Variants in RBFOX1 observed in about 807,000 individuals in gnomAD.
The protein encoded by RBFOX1 is RNA binding fox-1 homolog 1.
RBFOX1 carries 8 observed loss-of-function variants against 57.7 expected under a neutral mutation model. The observed-to-expected ratio is 0.14, with a 90% CI of 0.08 to 0.25. The LOEUF (loss-of-function observed/expected upper bound fraction) is 0.25, where lower values mean the gene tolerates loss of function less well. Among genes scored for constraint, RBFOX1 ranks in the 10% least tolerant of loss-of-function variants. The pLI is 1.00. For missense variants in RBFOX1, 611 were observed against 548.5 expected, an observed-to-expected ratio of 1.11 and a Z score of -1.14; for synonymous variants, 326 against 222.4, an observed-to-expected ratio of 1.47 and a Z score of -4.15.
chr16:5,594,730 C>G (rs1277098593), intron 2 of RBFOX1, among the ~76,000 whole-genome samples: 1 of 152,074 alleles, frequency 6.6e-6, no homozygotes, highest in Non-Finnish European at 1.5e-5. Context: ...CAATGGGAGG[C>G]AAGTTGGCCC....
chr16:7,502,595 TTTTGTTTTTTTAA>T (rs939276323), intron 4 of RBFOX1, among the ~76,000 whole-genome samples: 2 of 152,190 alleles, frequency 1.3e-5, no homozygotes, highest in African/African-American at 4.8e-5. Context: ...TGTTTGTTTG[TTTTGTTTTTTTAA>T]TTATACTTTA....
intron 3 of RBFOX1, among the ~76,000 whole-genome samples, chr16:6,857,407 A>T (rs1384103171): frequency 2.6e-5 from 4 of 150,944 alleles, no homozygotes; most frequent in African/African-American, 9.7e-5. Context: ...AGCATGGGAG[A>T]GGTCAAATCC....
intron 5 of RBFOX1, among the ~76,000 whole-genome samples, chr16:7,556,660 G>A (rs1389382195): frequency 6.6e-6 from 1 of 152,102 alleles, no homozygotes; most frequent in Non-Finnish European, 1.5e-5. Context: ...TAAGACCTTA[G>A]TTCTAGGACC....
intron 3 of RBFOX1, among the ~76,000 whole-genome samples, chr16:6,819,205 G>T (rs73532693): frequency 2.6e-5 from 4 of 152,204 alleles, no homozygotes; most frequent in South Asian, 2.1e-4. Context: ...GTTTATTTCC[G>T]TATAGAAATC....
intron 3 of RBFOX1, among the ~76,000 whole-genome samples, chr16:5,707,365 G>T (rs2051290019): frequency 6.6e-6 from 1 of 152,178 alleles, no homozygotes; most frequent in Non-Finnish European, 1.5e-5. Flanking sequence ...AGAGCCTCAA[G>T]GAAAAGGGTG....
intron 4 of RBFOX1, among the ~76,000 whole-genome samples, chr16:7,198,865 G>C (rs991804157): frequency 1.3e-5 from 2 of 152,210 alleles, no homozygotes; most frequent in Admixed American, 6.5e-5. Flanking sequence ...CACACTATCA[G>C]AGGCAAAATA....
At chr16:7,352,309 C>T (rs763759042) in intron 4 of RBFOX1, among the ~76,000 whole-genome samples, 4 of 152,158 alleles carry the variant, frequency 2.6e-5, no homozygotes, top group Non-Finnish European at 4.4e-5. Context: ...ACAACTGGCC[C>T]TGTCCTTCCA....
intron 15 of RBFOX1, 131 bp downstream of exon 15, chr16:7,709,262 A>G (rs1415933380): frequency 1.0e-6 from 1 of 989,138 alleles, no homozygotes; most frequent in Non-Finnish European, 1.5e-6. Flanking sequence ...AACAGCAGCT[A>G]AAATGCCACA....
chr16:7,369,083 A>C (rs1568456390), intron 4 of RBFOX1, among the ~76,000 whole-genome samples: 1 of 152,106 alleles, frequency 6.6e-6, no homozygotes, highest in Non-Finnish European at 1.5e-5. Flanking sequence ...TGAAAGAGGA[A>C]TACAGAAAAG....
chr16:7,692,058 G>T (rs1406877831), intron 14 of RBFOX1, among the ~76,000 whole-genome samples: 4 of 152,046 alleles, frequency 2.6e-5, no homozygotes, highest in African/African-American at 7.2e-5. Flanking sequence ...TGTTTTCAGG[G>T]ATAAATTTTA....
intron 1 of RBFOX1, among the ~76,000 whole-genome samples, chr16:6,093,687 G>A (rs1366807731): frequency 1.3e-5 from 2 of 152,082 alleles, no homozygotes; most frequent in East Asian, 1.9e-4. Flanking sequence ...AGTGGCTCAA[G>A]TGTAGCTCCC....
At chr16:5,301,645 A>C (rs1427821378) in intron 1 of RBFOX1, among the ~76,000 whole-genome samples, 2 of 150,766 alleles carry the variant, frequency 1.3e-5, no homozygotes, top group East Asian at 1.9e-4. Flanking sequence ...AAAACACACA[A>C]AAACAAAAAA....
At chr16:7,570,594 C>T (rs999058353) in intron 5 of RBFOX1, among the ~76,000 whole-genome samples, 1 of 152,164 alleles carries the variant, frequency 6.6e-6, no homozygotes, top group Non-Finnish European at 1.5e-5. Flanking sequence ...AGTGATGAAA[C>T]TAGAGTTTTA....
intron 3 of RBFOX1, among the ~76,000 whole-genome samples, chr16:6,946,224 G>A (rs947455931): frequency 2.6e-5 from 4 of 152,206 alleles, no homozygotes; most frequent in South Asian, 2.1e-4. Flanking sequence ...GGTGCCATAT[G>A]GTTTCTGTGA....
intron 1 of RBFOX1, among the ~76,000 whole-genome samples, chr16:5,451,828 G>A (rs2068433531): frequency 6.6e-6 from 1 of 151,966 alleles, no homozygotes; most frequent in African/African-American, 2.4e-5. Context: ...GTTTTACTTT[G>A]CATACTCTCT....
intron 1 of RBFOX1, among the ~76,000 whole-genome samples, chr16:6,106,729 C>T (rs1418570077): frequency 6.6e-6 from 1 of 152,008 alleles, no homozygotes; most frequent in Non-Finnish European, 1.5e-5. Flanking sequence ...GTGCAGTGGC[C>T]TGATCTCAGC....
intron 3 of RBFOX1, among the ~76,000 whole-genome samples, chr16:6,931,295 G>GTCTATCTATCTA (rs1161231181): frequency 8.1e-4 from 110 of 136,232 alleles, no homozygotes; most frequent in East Asian, 1.3e-3. Flanking sequence ...CTGTCTGTCT[G>GTCTATCTATCTA]TCTATCTATC....
intron 4 of RBFOX1, among the ~76,000 whole-genome samples, chr16:5,915,731 C>G (rs952576169): frequency 6.6e-6 from 1 of 152,104 alleles, no homozygotes; most frequent in African/African-American, 2.4e-5. Context: ...ACTCCGGAGG[C>G]TGAGGCGCGA....
intron 1 of RBFOX1, among the ~76,000 whole-genome samples, chr16:5,420,773 C>G (rs954258776): frequency 6.6e-6 from 1 of 151,876 alleles, no homozygotes; most frequent in African/African-American, 2.4e-5. Flanking sequence ...TGGCCTCAAG[C>G]GATTCACCTG....
Sources: gnomAD v4.1 joint callset for allele counts (sites outside exome capture counted in the v4.1 genomes callset) on GRCh38, gnomAD v4.1.1 for gene constraint, MANE v1.5 for transcripts, NCBI Gene and HGNC (gene_info 2026-07-23, HGNC 2026-07-21) for gene names.